The following IL1RAPL2 variants were observed in gnomAD, a reference collection of about 807,000 sequenced individuals.
IL1RAPL2 encodes the protein interleukin 1 receptor accessory protein like 2.
IL1RAPL2 carries 3 observed loss-of-function variants against 44.1 expected under a neutral mutation model. The observed-to-expected ratio is 0.07, with a 90% CI of 0.03 to 0.18. The LOEUF is 0.18. Ranked by LOEUF, IL1RAPL2 falls within the 10% of genes least tolerant of loss-of-function variation. IL1RAPL2 has a pLI of 1.00. For synonymous variants in IL1RAPL2, 181 were observed against 178.8 expected (o/e 1.01, Z -0.10); for missense variants, 391 against 496.4 (o/e 0.79, Z 2.02).
intron 1 of IL1RAPL2, among the ~76,000 whole-genome samples, chrX:104,582,596 T>TTCTC (rs1387907561): frequency 1.9e-5 from 1 of 52,188 alleles, no homozygotes; most frequent in Non-Finnish European, 3.8e-5. Flanking sequence ...CTTTCTTTCT[T>TTCTC]TTTCTTTCTT....
At chrX:105,531,711 T>C (rs1402492253) in intron 6 of IL1RAPL2, among the ~76,000 whole-genome samples, 2 of 111,979 alleles carry the variant, frequency 1.8e-5, no homozygotes, top group Non-Finnish European at 1.9e-5. Context: ...AAATACTTAA[T>C]CCATTTTGAT....
intron 6 of IL1RAPL2, among the ~76,000 whole-genome samples, chrX:105,704,353 CAACT>C (rs2038145002): frequency 1.8e-5 from 2 of 111,402 alleles, no homozygotes; most frequent in African/African-American, 3.3e-5. Context: ...TCCATCAACT[CAACT>C]AAGATATCTG....
chrX:104,743,691 G>A (rs980348183), intron 2 of IL1RAPL2, among the ~76,000 whole-genome samples: 3 of 110,703 alleles, frequency 2.7e-5, no homozygotes, highest in South Asian at 7.7e-4. Context: ...CTTGAAAATA[G>A]TGGGCAGAAA....
intron 1 of IL1RAPL2, among the ~76,000 whole-genome samples, chrX:104,589,204 A>C (rs1316719670): frequency 8.9e-6 from 1 of 111,829 alleles, no homozygotes; most frequent in Non-Finnish European, 1.9e-5. Flanking sequence ...GGAGTTCATT[A>C]AGCAGTATTA....
intron 5 of IL1RAPL2, chrX:105,405,566 G>A (rs763465744): frequency 1.4e-6 from 1 of 690,343 alleles, no homozygotes; most frequent in Non-Finnish European, 2.3e-6. Context: ...GGAGGGAGGG[G>A]AAGGGCGAGA....
At chrX:105,319,985 A>AGT (rs1209598400) in intron 5 of IL1RAPL2, among the ~76,000 whole-genome samples, 2 of 111,103 alleles carry the variant, frequency 1.8e-5, no homozygotes, top group East Asian at 2.8e-4. Flanking sequence ...CTGAAGAGTC[A>AGT]GTGTGTGTGT....
intron 2 of IL1RAPL2, among the ~76,000 whole-genome samples, chrX:104,988,917 G>A (rs1336145472): frequency 9.0e-6 from 1 of 111,475 alleles, no homozygotes; most frequent in African/African-American, 3.3e-5. Context: ...CTTATTTAGG[G>A]CTGATCACAA....
At chrX:105,239,601 A>AT (rs782692218) in intron 4 of IL1RAPL2, among the ~76,000 whole-genome samples, 1 of 108,605 alleles carries the variant, frequency 9.2e-6, no homozygotes, top group African/African-American at 3.4e-5. Context: ...AAGGCTGGCC[A>AT]TTTTTTTTTC....
At chrX:105,038,586 T>A (rs1163627277) in intron 2 of IL1RAPL2, among the ~76,000 whole-genome samples, 1 of 110,776 alleles carries the variant, frequency 9.0e-6, no homozygotes, top group East Asian at 2.8e-4. Flanking sequence ...ATGTGCAGGT[T>A]TGCTATATAG....
intron 2 of IL1RAPL2, among the ~76,000 whole-genome samples, chrX:104,906,488 C>G (rs766031462): frequency 7.2e-5 from 8 of 111,496 alleles, no homozygotes; most frequent in South Asian, 7.6e-4. Flanking sequence ...CCATCAATAC[C>G]TAATTTCTTG....
chrX:104,982,117 C>T (rs978844331), intron 2 of IL1RAPL2, among the ~76,000 whole-genome samples: 1 of 110,678 alleles, frequency 9.0e-6, no homozygotes, highest in Non-Finnish European at 1.9e-5. Flanking sequence ...ATGTAAGAAG[C>T]CTGCACATGT....
chrX:104,824,992 A>G (rs908957818), intron 2 of IL1RAPL2, among the ~76,000 whole-genome samples: 1 of 111,748 alleles, frequency 8.9e-6, no homozygotes, highest in African/African-American at 3.3e-5. Flanking sequence ...GGGGAGGATA[A>G]TGAAAACAAA....
At chrX:105,350,411 T>G (rs1356501583) in intron 5 of IL1RAPL2, among the ~76,000 whole-genome samples, 1 of 112,774 alleles carries the variant, frequency 8.9e-6, no homozygotes, top group Non-Finnish European at 1.9e-5. Context: ...TGAAATTTAC[T>G]TATTTTAAAA....
Position 105,635,252 on chromosome X carries a change from C to T in IL1RAPL2, c.773-82115C>T, listed in dbSNP as rs769724803. On this transcript the variant is annotated intron_variant, in intron 6 of 10. Coordinates refer to ENST00000372582, the MANE Select transcript of IL1RAPL2 (RefSeq NM_017416.2). ...AGACGATGAGCATGGCTGACACATG[C>T]GATAACCTTGCTCCTGAATTTCACA... 8.1e-5 allele frequency among the ~76,000 whole-genome samples: 9 copies of T among 111,473 alleles called. No individual in the cohort carries two copies. The South Asian group carries it at 1.1e-3, about 14-fold the overall frequency.
chrX:104,587,808 T>A (rs987396080), intron 1 of IL1RAPL2, among the ~76,000 whole-genome samples: 4 of 112,002 alleles, frequency 3.6e-5, no homozygotes, highest in African/African-American at 1.3e-4. Context: ...GTTTACCATG[T>A]GGGAAGATCA....
intron 2 of IL1RAPL2, among the ~76,000 whole-genome samples, chrX:104,990,965 A>G (rs149339946): frequency 2.1e-3 from 237 of 111,372 alleles, no homozygotes; most frequent in African/African-American, 7.2e-3. Flanking sequence ...TATTAACCCT[A>G]GTAAAGCTTG....
chrX:105,404,373 C>G (rs903449483), intron 5 of IL1RAPL2, among the ~76,000 whole-genome samples: 25 of 112,132 alleles, frequency 2.2e-4, no homozygotes, highest in African/African-American at 7.8e-4. Flanking sequence ...TATGTTCTCA[C>G]CTCTTTTCCC....
At chrX:104,700,804 G>A (rs1001541468) in intron 2 of IL1RAPL2, among the ~76,000 whole-genome samples, 1 of 111,663 alleles carries the variant, frequency 9.0e-6, no homozygotes, top group Non-Finnish European at 1.9e-5. Flanking sequence ...TAATACCATA[G>A]TCATAAGAGC....
intron 2 of IL1RAPL2, among the ~76,000 whole-genome samples, chrX:104,675,804 G>T (rs375635251): frequency 2.0e-4 from 22 of 110,191 alleles, no homozygotes; most frequent in Admixed American, 3.9e-4. Context: ...GCATATATAT[G>T]TAGGATAGTT....
Sources: gnomAD v4.1 joint callset for allele counts (sites outside exome capture counted in the v4.1 genomes callset) on GRCh38, gnomAD v4.1.1 for gene constraint, MANE v1.5 for transcripts, NCBI Gene and HGNC (gene_info 2026-07-23, HGNC 2026-07-21) for gene names.